The following NXN variants were observed in gnomAD, a reference collection of about 807,000 sequenced individuals.
NXN encodes the protein nucleoredoxin 1.
A neutral mutation model predicts 48.6 loss-of-function variants in NXN; 16 were observed. That is an observed-to-expected ratio of 0.33 (90% CI 0.22 to 0.50). The LOEUF (loss-of-function observed/expected upper bound fraction) is 0.50. Ranked by LOEUF, NXN falls within the 20% of genes least tolerant of loss-of-function variation. The pLI is 0.98. For synonymous variants in NXN, 281 were observed against 269.6 expected, an observed-to-expected ratio of 1.04 and a Z score of -0.41; for missense variants, 492 against 605.5, an observed-to-expected ratio of 0.81 and a Z score of 1.97.
At chr17:838,931 A>G (rs747543854) in intron 1 of NXN, among the ~76,000 whole-genome samples, 13 of 152,150 alleles carry the variant, frequency 8.5e-5, no homozygotes, top group Non-Finnish European at 1.6e-4. Flanking sequence ...TGTGGGATAG[A>G]TCAAACGGTG....
At chr17:835,130 A>G (rs1035412727) in intron 1 of NXN, among the ~76,000 whole-genome samples, 29 of 150,602 alleles carry the variant, frequency 1.9e-4, no homozygotes, top group Admixed American at 7.3e-4. Flanking sequence ...AACATGGTGA[A>G]ACCCTGTCTC....
At chr17:959,143 C>A in intron 1 of NXN, 1 of 518,376 alleles carries the variant, frequency 1.9e-6, no homozygotes. Context: ...GCAACAAGAG[C>A]CGAGCGCCCC....
intron 1 of NXN, among the ~76,000 whole-genome samples, chr17:900,281 A>T (rs77034943): frequency 1.6e-4 from 1 of 6,370 alleles, no homozygotes; most frequent in Non-Finnish European, 4.1e-4. Flanking sequence ...CAAAAAAAGG[A>T]AAAAAAAACA....
intron 1 of NXN, among the ~76,000 whole-genome samples, chr17:915,188 C>T (rs529320640): frequency 6.6e-6 from 1 of 152,312 alleles, no homozygotes; most frequent in South Asian, 2.1e-4. Flanking sequence ...TCCACCTCAG[C>T]CTCCAAAAGT....
chr17:825,879 G>A lies in NXN; in HGVS notation c.478+82C>T, dbSNP rs188820667. ...CTATTTCACCAGTACTCTCTCCACC[G>A]GTGGGACGGAGATTAGCCTAAGGGC... On this transcript the variant is annotated intron_variant, in intron 2 of 7. Coordinates refer to ENST00000336868, the MANE Select transcript of NXN (RefSeq NM_022463.5). This position sits in a 1 kb window ranked among gnomAD's most constrained non-coding sequence, Gnocchi z 4.1. 135 of 847,538 alleles carry A rather than the reference G, an allele frequency of 1.6e-4. No homozygotes were observed. In the African/African-American group the frequency reaches 1.8e-3, roughly 11 times the overall value. 52.5% of individuals were successfully genotyped at this position (847,538 alleles called of 1,614,324 possible). A position where few individuals can be genotyped will look rare whatever the true frequency, so the allele number is the denominator to read the frequency against.
chr17:867,818 C>T (rs996864404), intron 1 of NXN, among the ~76,000 whole-genome samples: 3 of 150,974 alleles, frequency 2.0e-5, no homozygotes, highest in South Asian at 2.1e-4. Context: ...CGCAGCTACT[C>T]GGGAGGCTGA....
chr17:940,663 T>C (rs1197712707), intron 1 of NXN, among the ~76,000 whole-genome samples: 39 of 151,634 alleles, frequency 2.6e-4, no homozygotes, highest in African/African-American at 8.5e-4. Context: ...CATCACACCT[T>C]CCTGGATTTA....
intron 1 of NXN, among the ~76,000 whole-genome samples, chr17:839,112 G>A (rs545624068): frequency 2.6e-5 from 4 of 152,260 alleles, no homozygotes; most frequent in South Asian, 2.1e-4. Flanking sequence ...ATTAATGCAC[G>A]TGCGGTGCTG....
intron 1 of NXN, among the ~76,000 whole-genome samples, chr17:930,643 A>T (rs2068843670): frequency 6.6e-6 from 1 of 152,222 alleles, no homozygotes; most frequent in African/African-American, 2.4e-5. Flanking sequence ...CAGGATAGAA[A>T]GACACCAACG....
chr17:819,458 G>A lies in NXN; in HGVS notation c.801C>T (p.Asn267=). The A allele has an allele frequency of 6.2e-7, 1 of 1,614,072 alleles. No individual in the cohort carries two copies. Among genetic ancestry groups the A allele is most frequent in the Non-Finnish European group, 8.5e-7 (1 of 1,179,954 alleles). ...GCCTACCTTGGATTCCGTACAGCCGGTTGAGGCGCGACCGCCGGGCCTCAT... is the reference window on the plus strand; with the variant it reads ...GCCTACCTTGGATTCCGTACAGCCGATTGAGGCGCGACCGCCGGGCCTCAT... ...YTDEARRSRL[N]RLYGIQGIPT... is the part of the protein sequence containing the mutation. Residue 267 remains asparagine, a synonymous_variant, in exon 5 of 8, where the codon AAC becomes AAT. Transcript: ENST00000336868.
At chr17:899,907 C>T (rs1260976371) in intron 1 of NXN, among the ~76,000 whole-genome samples, 2 of 152,120 alleles carry the variant, frequency 1.3e-5, no homozygotes, top group Non-Finnish European at 2.9e-5. Flanking sequence ...ATTATTTTCA[C>T]AAAGGAAATC....
chr17:829,061 C>T (rs1247196344), intron 1 of NXN, among the ~76,000 whole-genome samples: 1 of 151,772 alleles, frequency 6.6e-6, no homozygotes, highest in East Asian at 1.9e-4. Flanking sequence ...ATTTCCCAAC[C>T]TTCACCAACA....
chr17:812,681 T>TGTGTGCGAGTGTAGGC (rs1202463001), intron 5 of NXN, among the ~76,000 whole-genome samples: 1 of 150,704 alleles, frequency 6.6e-6, no homozygotes, highest in Non-Finnish European at 1.5e-5. Flanking sequence ...TGAGTGTAGG[T>TGTGTGCGAGTGTAGGC]GTGTGCACAT....
rs1352534623 is a variant in NXN, at chr17:825,251, C to T, written c.478+710G>A. 4.6e-5 allele frequency among the ~76,000 whole-genome samples: 7 copies of T among 151,426 alleles called. No homozygotes were observed. The highest frequency in any genetic ancestry group is 8.8e-5 in the Non-Finnish European group (6 of 67,904). On this transcript the variant is annotated intron_variant, in intron 2 of 7. Coordinates refer to ENST00000336868, the MANE Select transcript of NXN (RefSeq NM_022463.5). This position sits in a 1 kb window ranked among gnomAD's most constrained non-coding sequence, Gnocchi z 4.1. ...AAAAAAAAAAAAAAGAAAAGCTTCACGCTTGGTTCCACCATGCCGTGGTTT... is the reference window on the plus strand; with the variant it reads ...AAAAAAAAAAAAAAGAAAAGCTTCATGCTTGGTTCCACCATGCCGTGGTTT...
At chr17:818,336 T>C (rs1338685443) in intron 5 of NXN, among the ~76,000 whole-genome samples, 1 of 152,060 alleles carries the variant, frequency 6.6e-6, no homozygotes, top group South Asian at 2.1e-4. Context: ...CTCAGGAAAT[T>C]GATTTTCTCA....
At chr17:856,525 C>G (rs1467059775) in intron 1 of NXN, among the ~76,000 whole-genome samples, 1 of 138,454 alleles carries the variant, frequency 7.2e-6, no homozygotes, top group African/African-American at 2.7e-5. Flanking sequence ...GAGTCTTGCT[C>G]TGTCGCCCAG....
chr17:916,705 G>A (rs962818933), intron 1 of NXN, among the ~76,000 whole-genome samples: 1 of 152,108 alleles, frequency 6.6e-6, no homozygotes. Flanking sequence ...TTTGGAGGCC[G>A]AGGCAGGTGG....
At chr17:943,246 T>C (rs570012511) in intron 1 of NXN, among the ~76,000 whole-genome samples, 3 of 152,296 alleles carry the variant, frequency 2.0e-5, no homozygotes, top group Non-Finnish European at 4.4e-5. Context: ...GAGGTGCTTG[T>C]CCTGCATGAA....
intron 1 of NXN, among the ~76,000 whole-genome samples, chr17:828,986 G>A (rs924578451): frequency 2.6e-5 from 4 of 152,076 alleles, no homozygotes; most frequent in African/African-American, 9.7e-5. Context: ...AATTACCCAT[G>A]ACTCACCGCT....
Sources: gnomAD v4.1 joint callset for allele counts (sites outside exome capture counted in the v4.1 genomes callset) on GRCh38, gnomAD v4.1.1 for gene constraint, Gnocchi (gnomAD v3.1) non-coding constraint, MANE v1.5 for transcripts, NCBI Gene and HGNC (gene_info 2026-07-23, HGNC 2026-07-21) for gene names.